ATXN3: variants seen among roughly 807,000 people sequenced by gnomAD.
ATXN3 encodes the protein ataxin-3.
In ATXN3, 28 loss-of-function variants were observed where a neutral mutation model predicts 58.2. The observed-to-expected ratio is 0.48, with a 90% CI of 0.36 to 0.66. The LOEUF (loss-of-function observed/expected upper bound fraction) is 0.66, where lower values mean the gene tolerates loss of function less well. Ranked by LOEUF, ATXN3 falls within the 30% of genes least tolerant of loss-of-function variation. The pLI is 0.00. For synonymous variants in ATXN3, 113 were observed against 138.5 expected, an observed-to-expected ratio of 0.82 and a Z score of 1.29; for missense variants, 321 against 422.1, an observed-to-expected ratio of 0.76 and a Z score of 2.10.
downstream of ATXN3, among the ~76,000 whole-genome samples, chr14:92,056,261 G>A (rs1484354628): frequency 6.6e-6 from 1 of 152,166 alleles, no homozygotes; most frequent in Non-Finnish European, 1.5e-5. Context: ...TGCTCAGCTT[G>A]GATTATAGTA....
In ATXN3 at chr14:92,063,061, G is replaced by A. The variant is rs2057887410; in HGVS notation, c.*1259C>T. ...CTATTGACCCAGCAAGAAACTCTCT[G>A]TACATCTCAATTAAAGAGAATATTT... On this transcript the variant is annotated 3_prime_UTR_variant, in exon 11 of 11. Coordinates refer to ENST00000644486, the MANE Select transcript of ATXN3 (RefSeq NM_004993.6). The A allele has an allele frequency of 1.3e-5, 2 of 152,576 alleles. No individual in the cohort carries two copies. The highest frequency in any genetic ancestry group is 2.9e-5 in the Non-Finnish European group (2 of 68,026). 9.5% of individuals were successfully genotyped at this position (152,576 alleles called of 1,614,324 possible).
At chr14:92,070,709 G>C (rs1791219790) in intron 10 of ATXN3, 1 of 1,209,822 alleles carries the variant, frequency 8.3e-7, no homozygotes, top group Non-Finnish European at 1.1e-6. Context: ...GTTTCCCAAA[G>C]TGCTGGGATT....
intron 10 of ATXN3, 25 bp downstream of exon 10, chr14:92,070,910 A>T: frequency 6.2e-7 from 1 of 1,613,576 alleles, no homozygotes; most frequent in Non-Finnish European, 8.5e-7. Flanking sequence ...GGTAGCGAAC[A>T]TGATGAATGG....
rs2057712372 is a variant in ATXN3, at chr14:92,060,636, A to T, written c.*3684T>A. 6.6e-6 allele frequency: 1 copy of T among 152,170 alleles called. No homozygotes were observed. Among genetic ancestry groups the T allele is most frequent in the South Asian group, 2.1e-4 (1 of 4,832 alleles). 9.4% of individuals were successfully genotyped at this position (152,170 alleles called of 1,614,324 possible). A position where few individuals can be genotyped will look rare whatever the true frequency, so the allele number is the denominator to read the frequency against. On this transcript the variant is annotated 3_prime_UTR_variant, in exon 11 of 11. Transcript: ENST00000644486. Reference sequence around the variant, plus strand: ...GATTTATTTTTCTACTTAAGATTTTAAAATTATCATATTTTGATTATGCAC... The same window carrying T: ...GATTTATTTTTCTACTTAAGATTTTTAAATTATCATATTTTGATTATGCAC...
chr14:92,048,083 T>A (rs1566883226), intron 1 of ATXN3: 2 of 152,172 alleles, frequency 1.3e-5, no homozygotes, highest in Admixed American at 1.3e-4. Flanking sequence ...CGATTTCCAG[T>A]GGGGTCCTGC....
At chr14:92,082,502 A>G (rs1456245666) in intron 7 of ATXN3, 36 bp from the exon 8 acceptor site, 7 of 1,564,908 alleles carry the variant, frequency 4.5e-6, no homozygotes, top group South Asian at 1.2e-5. Context: ...ACTGCAACCA[A>G]TCTTCTATTT....
intron 10 of ATXN3, among the ~76,000 whole-genome samples, chr14:92,070,132 T>C (rs1595562698): frequency 6.6e-6 from 1 of 152,202 alleles, no homozygotes; most frequent in African/African-American, 2.4e-5. Context: ...AGTTACTTTT[T>C]CTCTCAACTT....
chr14:92,101,064 G>A (rs2066658288), intron 1 of ATXN3, among the ~76,000 whole-genome samples: 1 of 152,092 alleles, frequency 6.6e-6, no homozygotes, highest in South Asian at 2.1e-4. Flanking sequence ...ATAAGTACTT[G>A]AAATCAAACT....
rs755897639 is a variant in ATXN3 at position 92,082,486 on chromosome 14, G to C, written c.609-20C>G. 6.3e-7 allele frequency: 1 copy of C among 1,589,310 alleles called. No homozygotes were observed. Among genetic ancestry groups the C allele is most frequent in the Non-Finnish European group, 8.6e-7 (1 of 1,164,118 alleles). The stretch of plus-strand genomic sequence containing the variant: ...TGGACTCTAAAGAACAAAAGCACTG[G>C]TAATAACTGCAACCAATCTTCTATT... On this transcript the variant is annotated intron_variant, in intron 7 of 10. Coordinates refer to ENST00000644486, the MANE Select transcript of ATXN3 (RefSeq NM_004993.6).
At chr14:92,070,813 T>G (rs2059301725) in intron 10 of ATXN3, 122 bp downstream of exon 10, 2 of 1,567,664 alleles carry the variant, frequency 1.3e-6, no homozygotes, top group Admixed American at 3.6e-5. Context: ...ACAAATTTAC[T>G]TAAGATTCTT....
Position 92,093,242 on chromosome 14 carries a change from G to T in ATXN3, c.387+10C>A. 2 of 1,485,858 alleles carry T rather than the reference G, an allele frequency of 1.3e-6. No individual in the cohort carries two copies. The highest frequency in any genetic ancestry group is 1.9e-6 in the Non-Finnish European group (2 of 1,075,170). 92.0% of individuals were successfully genotyped at this position (1,485,858 alleles called of 1,614,324 possible). On this transcript the variant is annotated intron_variant, in intron 5 of 10. Transcript: ENST00000644486. The stretch of plus-strand genomic sequence containing the variant: ...AAGAAAAAAAGACAAGGAAGGGTAA[G>T]AAATGTTACCTGTTTTCCTAATTTT...
chr14:92,066,169 T>G (rs2058370535), intron 10 of ATXN3, among the ~76,000 whole-genome samples: 1 of 152,156 alleles, frequency 6.6e-6, no homozygotes, highest in African/African-American at 2.4e-5. Context: ...GGTCAGGGTA[T>G]GTTCAGTTTT....
intron 10 of ATXN3, among the ~76,000 whole-genome samples, chr14:92,068,015 G>A (rs1450663165): frequency 6.6e-6 from 1 of 152,170 alleles, no homozygotes; most frequent in Non-Finnish European, 1.5e-5. Context: ...CACGGACATT[G>A]TGGAGGTGTC....
At chr14:92,087,499 G>A (rs755356399) in intron 6 of ATXN3, among the ~76,000 whole-genome samples, 17 of 152,130 alleles carry the variant, frequency 1.1e-4, no homozygotes, top group Admixed American at 5.9e-4. Context: ...TAAGAAAAAA[G>A]TAAAACCAAT....
intron 3 of ATXN3, among the ~76,000 whole-genome samples, chr14:92,094,981 C>T (rs903109174): frequency 6.6e-6 from 1 of 151,742 alleles, no homozygotes; most frequent in African/African-American, 2.4e-5. Flanking sequence ...GGAGAGGTTC[C>T]GAAAGTACTC....
At chr14:92,096,048 G>T in intron 3 of ATXN3, 45 bp downstream of exon 3, 2 of 1,450,090 alleles carry the variant, frequency 1.4e-6, no homozygotes, top group South Asian at 1.1e-5. Flanking sequence ...GTGAAACGGT[G>T]CCTGGGATGT....
intron 5 of ATXN3, among the ~76,000 whole-genome samples, chr14:92,092,178 A>C (rs1393206642): frequency 6.6e-6 from 1 of 152,136 alleles, no homozygotes; most frequent in Non-Finnish European, 1.5e-5. Context: ...ACTACAGATG[A>C]ATCTGCACTT....
At chr14:92,079,298 ATAATAAAAAAGT>A in intron 9 of ATXN3, 1 of 324,892 alleles carries the variant, frequency 3.1e-6, no homozygotes. Context: ...GGAGTTTATT[ATAATAAAAAAGT>A]TAATTTTGAA....
At chr14:92,082,834 G>T (rs2140780642) in intron 7 of ATXN3, among the ~76,000 whole-genome samples, 1 of 152,042 alleles carries the variant, frequency 6.6e-6, no homozygotes, top group East Asian at 1.9e-4. Context: ...ACTATTTGTA[G>T]AGATGAGGTT....
Sources: gnomAD v4.1 joint callset for allele counts (sites outside exome capture counted in the v4.1 genomes callset) on GRCh38, gnomAD v4.1.1 for gene constraint, MANE v1.5 for transcripts, NCBI Gene and HGNC (gene_info 2026-07-23, HGNC 2026-07-21) for gene names.